The following FTO variants were observed in gnomAD, a reference collection of about 807,000 sequenced individuals.
FTO encodes the protein FTO alpha-ketoglutarate dependent dioxygenase, also known as alpha-ketoglutarate-dependent dioxygenase FTO.
In FTO, 47 loss-of-function variants were observed where a neutral mutation model predicts 63.9. The ratio of observed to expected loss-of-function variants is 0.74; its 90% CI spans 0.58 to 0.94. FTO has a LOEUF of 0.94. Ranked by LOEUF, FTO falls within the 40% of genes least tolerant of loss-of-function variation. The pLI is 0.00. For missense variants in FTO, 562 were observed against 618.1 expected (o/e 0.91, Z 0.96); for synonymous variants, 207 against 224.4 (o/e 0.92, Z 0.69).
chr16:53,736,355 T>TAA (rs58789508), intron 1 of FTO, among the ~76,000 whole-genome samples: 1 of 123,064 alleles, frequency 8.1e-6, no homozygotes, highest in Non-Finnish European at 1.6e-5. Context: ...AAAGTATAAT[T>TAA]AAAAAAAAAA....
chr16:53,837,956 C>T (rs1687977484), intron 3 of FTO, among the ~76,000 whole-genome samples: 1 of 152,184 alleles, frequency 6.6e-6, no homozygotes, highest in South Asian at 2.1e-4. Context: ...TCTCCAGGCT[C>T]TTCTCTTGCA....
intron 8 of FTO, among the ~76,000 whole-genome samples, chr16:53,986,374 G>A (rs1283526911): frequency 6.6e-6 from 1 of 152,176 alleles, no homozygotes; most frequent in African/African-American, 2.4e-5. Context: ...CTCGGAAACA[G>A]GGTGTTTCTC....
At chr16:53,795,288 T>G (rs2078032371) in intron 1 of FTO, among the ~76,000 whole-genome samples, 2 of 152,136 alleles carry the variant, frequency 1.3e-5, no homozygotes. Context: ...GACAAAAGAT[T>G]TTTTAAAAGG....
In FTO at chr16:53,825,962, G is replaced by T; in HGVS notation, c.222G>T (p.Lys74Asn). Residue 74 changes from lysine to asparagine, a missense_variant, in exon 3 of 9, where the codon AAG (lysine) becomes AAT (asparagine). Coordinates refer to ENST00000471389, the MANE Select transcript of FTO (RefSeq NM_001080432.3). The stretch of plus-strand genomic sequence containing the variant: ...AAGAAGCCTTTCTCACACTGCACAA[G>T]CATGGCTGCTTATTTCGGGACCTGG... ...EVQEAFLTLHKHGCLFRDLVR... is the reference protein window; with the variant it reads ...EVQEAFLTLHNHGCLFRDLVR... 2.5e-6 allele frequency: 4 copies of T among 1,614,164 alleles called. No individual in the cohort carries two copies. In the South Asian group the frequency reaches 4.4e-5, roughly 18 times the overall value.
At chr16:54,094,548 C>G (rs1254078695) in intron 8 of FTO, among the ~76,000 whole-genome samples, 1 of 152,158 alleles carries the variant, frequency 6.6e-6, no homozygotes, top group African/African-American at 2.4e-5. Flanking sequence ...TTCACGGCAC[C>G]AAAAAGAAAA....
At chr16:54,078,302 A>AGT (rs1331530811) in intron 8 of FTO, among the ~76,000 whole-genome samples, 3 of 146,710 alleles carry the variant, frequency 2.0e-5, no homozygotes, top group East Asian at 2.0e-4. Flanking sequence ...GCTAATTTGA[A>AGT]GTGTGTGTGT....
Position 53,888,875 on chromosome 16 carries a change from G to C in FTO, c.1163G>C (p.Arg388Pro), listed in dbSNP as rs780342015. Residue 388 changes from arginine to proline, a missense_variant, in exon 7 of 9, where the codon CGA (arginine) becomes CCA (proline). Physicochemically the swap from Arg to Pro is moderately radical, Grantham distance 103. Coordinates refer to ENST00000471389, the MANE Select transcript of FTO (RefSeq NM_001080432.3). ...AGGCAGTTTTGGTTTCAAGGCAATCGATACAGAAAGTGCACTGACTGGTGG... is the reference window on the plus strand; with the variant it reads ...AGGCAGTTTTGGTTTCAAGGCAATCCATACAGAAAGTGCACTGACTGGTGG... Reference protein sequence around the residue: ...WLRQFWFQGNRYRKCTDWWCQ... With the variant: ...WLRQFWFQGNPYRKCTDWWCQ... The C allele has an allele frequency of 1.9e-6, 3 of 1,613,966 alleles. No homozygotes were observed. The South Asian group carries it at 3.3e-5, about 18-fold the overall frequency.
At chr16:53,836,142 C>T (rs1366090644) in intron 3 of FTO, among the ~76,000 whole-genome samples, 1 of 152,182 alleles carries the variant, frequency 6.6e-6, no homozygotes, top group African/African-American at 2.4e-5. Flanking sequence ...CTGCCCGCCT[C>T]AGCTTCCCAA....
intron 1 of FTO, among the ~76,000 whole-genome samples, chr16:53,778,521 T>C (rs8063057): frequency 0.39 from 59,534 of 152,010 alleles, 11,962 homozygotes; most frequent in African/African-American, 0.42. Context: ...AAAAAGCAAG[T>C]AATAGTATTA....
At chr16:53,998,574 A>T (rs994970162) in intron 8 of FTO, 8 of 152,230 alleles carry the variant, frequency 5.3e-5, no homozygotes, top group African/African-American at 1.9e-4. Flanking sequence ...TGAAAAGTAC[A>T]TGGTTAACTA....
intron 3 of FTO, among the ~76,000 whole-genome samples, chr16:53,837,620 C>G (rs528188169): frequency 6.6e-6 from 1 of 152,296 alleles, no homozygotes; most frequent in African/African-American, 2.4e-5. Context: ...GCTTTTCTTG[C>G]AACCCGTCAA....
intron 8 of FTO, among the ~76,000 whole-genome samples, chr16:53,973,294 A>G (rs1482734641): frequency 6.6e-6 from 1 of 152,168 alleles, no homozygotes; most frequent in East Asian, 1.9e-4. Flanking sequence ...GAGCCGTCCC[A>G]TGTCCCACCT....
chr16:53,984,331 T>C (rs1233700425), intron 8 of FTO, among the ~76,000 whole-genome samples: 15 of 131,662 alleles, frequency 1.1e-4, no homozygotes, highest in African/African-American at 2.8e-4. Flanking sequence ...CTTTTTTTTT[T>C]TTTTTTTTTT....
chr16:53,983,399 G>A (rs1024317213), intron 8 of FTO, among the ~76,000 whole-genome samples: 4 of 151,904 alleles, frequency 2.6e-5, no homozygotes, highest in African/African-American at 7.3e-5. Flanking sequence ...CCATTTTGAC[G>A]GAACTGGGGC....
intron 7 of FTO, among the ~76,000 whole-genome samples, chr16:53,909,516 G>A (rs1280689996): frequency 6.7e-6 from 1 of 149,698 alleles, no homozygotes; most frequent in Non-Finnish European, 1.5e-5. Context: ...TGAAAAAGAG[G>A]GACAGAGAGC....
At chr16:53,970,540 G>A (rs535547975) in intron 8 of FTO, among the ~76,000 whole-genome samples, 31 of 148,288 alleles carry the variant, frequency 2.1e-4, no homozygotes, top group African/African-American at 7.5e-4. Context: ...ATAGTGAGCC[G>A]AGATTGCACC....
intron 8 of FTO, among the ~76,000 whole-genome samples, chr16:54,047,281 C>T (rs1599267708): frequency 7.7e-5 from 1 of 12,954 alleles, no homozygotes; most frequent in Non-Finnish European, 1.7e-4. Context: ...AACAAACAAC[C>T]CCATCAAAAA....
intron 8 of FTO, among the ~76,000 whole-genome samples, chr16:54,051,434 A>C (rs1010962834): frequency 6.6e-6 from 1 of 152,250 alleles, no homozygotes; most frequent in Non-Finnish European, 1.5e-5. Flanking sequence ...TGAGACTGTG[A>C]TTCTGGGAGG....
chr16:53,819,294 C>T (rs1474497081), intron 2 of FTO, among the ~76,000 whole-genome samples: 3 of 152,086 alleles, frequency 2.0e-5, no homozygotes, highest in South Asian at 2.1e-4. Flanking sequence ...CTCAGCTGCC[C>T]AAGTAGCTGG....
Sources: allele counts gnomAD v4.1 joint callset (sites outside exome capture counted in the v4.1 genomes callset), GRCh38; gene constraint gnomAD v4.1.1; transcripts MANE v1.5; gene names NCBI Gene and HGNC (gene_info 2026-07-23, HGNC 2026-07-21).